C16orf89: variants seen among roughly 807,000 people sequenced by gnomAD.
C16orf89 encodes the protein chromosome 16 open reading frame 89, also known as UPF0764 protein C16orf89.
In C16orf89, 57 loss-of-function variants were observed where a neutral mutation model predicts 41.5. That is an observed-to-expected ratio of 1.38 (90% confidence interval 1.11 to 1.71). C16orf89 has a LOEUF of 1.71. Among genes scored for constraint, C16orf89 ranks in the 40% most tolerant of loss-of-function variants. C16orf89 has a pLI of 0.00. For synonymous variants in C16orf89, 223 were observed against 190.6 expected (o/e 1.17, Z -1.40); for missense variants, 575 against 445.9 (o/e 1.29, Z -2.61).
chr16:5,064,709 T>C (rs1464781921), intron 1 of C16orf89, among the ~76,000 whole-genome samples: 1 of 152,106 alleles, frequency 6.6e-6, no homozygotes, highest in Non-Finnish European at 1.5e-5. Context: ...AGCAAGATTA[T>C]TGAGAGGAGA....
At chr16:5,055,146 C>T (rs1240958196) in intron 6 of C16orf89, 100 bp downstream of exon 6, 1 of 1,038,514 alleles carries the variant, frequency 9.6e-7, no homozygotes, top group Non-Finnish European at 1.4e-6. Flanking sequence ...CCCTTGGCAA[C>T]CTTAACACCA....
intron 5 of C16orf89, chr16:5,055,697 T>G: frequency 6.5e-7 from 1 of 1,535,748 alleles, no homozygotes. Context: ...CTGGTCCATC[T>G]GTGTAGAGCT....
At chr16:5,063,234 C>G (rs1181393138) in intron 1 of C16orf89, among the ~76,000 whole-genome samples, 1 of 152,136 alleles carries the variant, frequency 6.6e-6, no homozygotes, top group Non-Finnish European at 1.5e-5. Context: ...AGGTAGGAAC[C>G]TTGTTAGGGA....
At chr16:5,050,471 T>C (rs563750488) in intron 6 of C16orf89, among the ~76,000 whole-genome samples, 1 of 152,188 alleles carries the variant, frequency 6.6e-6, no homozygotes, top group Admixed American at 6.5e-5. Flanking sequence ...AGACCAATTA[T>C]GAGTAATGAG....
At chr16:5,045,581 A>G (rs537749807) in intron 7 of C16orf89, among the ~76,000 whole-genome samples, 2 of 152,292 alleles carry the variant, frequency 1.3e-5, no homozygotes, top group South Asian at 4.2e-4. Flanking sequence ...AAGGTGCCGA[A>G]TGACTAACCC....
chr16:5,055,474 C>G, intron 5 of C16orf89, 124 bp from the exon 6 acceptor site: 11 of 1,032,644 alleles, frequency 1.1e-5, no homozygotes, highest in Non-Finnish European at 1.6e-5. Context: ...GGTGGGCGTT[C>G]AATGCAGAGG....
chr16:5,043,252 G>C (rs116370377), downstream of C16orf89: 3 of 153,740 alleles, frequency 2.0e-5, no homozygotes, highest in African/African-American at 7.2e-5. Context: ...GAGGTGTCTC[G>C]TTATGTTGCC....
chr16:5,057,268 A>ATATATATATGTATATATATATGTG (rs1956528254), intron 4 of C16orf89, among the ~76,000 whole-genome samples: 1 of 138,710 alleles, frequency 7.2e-6, no homozygotes, highest in South Asian at 2.2e-4. Context: ...AGAAATATAC[A>ATATATATATGTATATATATATGTG]TATATATATG....
intron 5 of C16orf89, chr16:5,055,591 A>T: frequency 1.6e-6 from 2 of 1,278,922 alleles, no homozygotes; most frequent in Non-Finnish European, 2.1e-6. Flanking sequence ...AGTCAGGATC[A>T]GTGGAGGAGT....
chr16:5,053,968 A>G (rs1956442964), intron 6 of C16orf89, among the ~76,000 whole-genome samples: 1 of 152,252 alleles, frequency 6.6e-6, no homozygotes, highest in African/African-American at 2.4e-5. Context: ...TGTACCCTAT[A>G]AATATGTACA....
intron 5 of C16orf89, 112 bp from the exon 6 acceptor site, chr16:5,055,462 G>A (rs1196296735): frequency 1.8e-6 from 2 of 1,097,648 alleles, no homozygotes; most frequent in Non-Finnish European, 2.6e-6. Flanking sequence ...TTAGGCTTAG[G>A]AGGTGGGCGT....
chr16:5,058,565 G>C lies in C16orf89; in HGVS notation c.555C>G (p.Ser185Arg), dbSNP rs938017479. ...CTGAGCAGCCGGGCTTGGTCATGAG[G>C]CTCCTGCAGAGGTCTGAGAGGCCGC... ...EPCGLSDLCRSLMTKPGCSGY... is the reference protein window; with the variant it reads ...EPCGLSDLCRRLMTKPGCSGY... Residue 185 changes from serine to arginine, a missense_variant, in exon 4 of 8, where the codon AGC becomes AGG. Ser to Arg is a moderately radical substitution (Grantham distance 110). Coordinates refer to ENST00000472572, the MANE Select transcript of C16orf89 (RefSeq NM_001098514.3). 3 of 1,612,794 alleles carry C rather than the reference G, an allele frequency of 1.9e-6. No homozygotes were observed. In the African/African-American group the frequency reaches 4.0e-5, roughly 21 times the overall value.
At chr16:5,058,101 A>C (rs1437428125) in intron 4 of C16orf89, among the ~76,000 whole-genome samples, 2 of 151,876 alleles carry the variant, frequency 1.3e-5, no homozygotes. Context: ...ACAGAACTAC[A>C]CTGCCATGAG....
At position 5,065,715 on chromosome 16, in the gene C16orf89, AC is replaced by A. The variant is rs1197939911; in HGVS notation, c.193del (p.Val65SerfsTer8). 6.2e-7 allele frequency: 1 copy of A among 1,613,146 alleles called. No homozygotes were observed. Among genetic ancestry groups the A allele is most frequent in the African/African-American group, 1.3e-5 (1 of 74,820 alleles). ...PEINLDGMVG[V>X]RVLEEQLKSV... is the part of the protein sequence containing the mutation. The stretch of plus-strand genomic sequence containing the variant: ...GGCTCACTCACCTTCCAGCACTCGG[AC>A]CCCCACCATGCCATCCAGGTTGATT... On this transcript the variant is annotated frameshift_variant, in exon 1 of 8. Transcript: ENST00000472572. LOFTEE classifies it high-confidence loss of function.
rs779500882 is a variant in C16orf89, at chr16:5,047,887, G to T, written c.946C>A (p.Gln316Lys). Reference sequence around the variant, plus strand: ...TGGGTATTTTCATTACCTGGAAATTGTTTTTCTCGCCTCTTCACTCTCCTC... The same window carrying T: ...TGGGTATTTTCATTACCTGGAAATTTTTTTTCTCGCCTCTTCACTCTCCTC... ...FSRRVKRREK[Q>K]FPDGCSSHNT... The change falls in exon 7 of 8, where the codon CAA becomes AAA. Residue 316 changes from glutamine to lysine, a missense_variant. Coordinates refer to ENST00000472572, the MANE Select transcript of C16orf89 (RefSeq NM_001098514.3). The T allele has an allele frequency of 5.7e-6, 9 of 1,574,404 alleles. No homozygotes were observed. Among genetic ancestry groups the T allele is most frequent in the Non-Finnish European group, 7.9e-6 (9 of 1,144,986 alleles).
At chr16:5,050,255 C>G (rs904904959) in intron 6 of C16orf89, among the ~76,000 whole-genome samples, 1 of 152,030 alleles carries the variant, frequency 6.6e-6, no homozygotes, top group Non-Finnish European at 1.5e-5. Context: ...GTAATTCCAG[C>G]TACTTGGGAG....
At chr16:5,049,344 A>T (rs1956357268) in intron 6 of C16orf89, among the ~76,000 whole-genome samples, 1 of 152,230 alleles carries the variant, frequency 6.6e-6, no homozygotes, top group South Asian at 2.1e-4. Context: ...TGCACTTAAG[A>T]CCAAATGAAT....
rs537472512 is a variant in C16orf89 at position 5,055,306 on chromosome 16, G to T, written c.808C>A (p.Arg270=). 6.2e-7 allele frequency: 1 copy of T among 1,613,406 alleles called. No individual in the cohort carries two copies. ...CAGCTGAGAATGGCCTCCAGCCACC[G>T]GAGCTTGTAGAAGTCGGAGAAGCCG... The part of the protein sequence containing the change: ...MGGFSDFYKL[R]WLEAILSWQK... Residue 270 remains arginine (R), a synonymous_variant, in exon 6 of 8, where the codon CGG becomes AGG. Coordinates refer to ENST00000472572, the MANE Select transcript of C16orf89 (RefSeq NM_001098514.3).
At position 5,044,481 on chromosome 16, in the gene C16orf89, A is replaced by AC; in HGVS notation, c.956-4_956-3insG. 1 of 1,612,344 alleles carries AC rather than the reference A, an allele frequency of 6.2e-7. No individual in the cohort carries two copies. Among genetic ancestry groups the AC allele is most frequent in the Non-Finnish European group, 8.5e-7 (1 of 1,179,362 alleles). On this transcript the variant is annotated splice_region_variant and splice_polypyrimidine_tract_variant and intron_variant, in intron 7 of 7. Transcript: ENST00000472572. Reference sequence around the variant, plus strand: ...TGTGTTGTGGGAGGAGCAGCCATCTAGGGGAGAGAGCCCCCATGAGTGCTG... The same window carrying AC: ...TGTGTTGTGGGAGGAGCAGCCATCTACGGGGAGAGAGCCCCCATGAGTGCTG...
Sources: gnomAD v4.1 joint callset for allele counts (sites outside exome capture counted in the v4.1 genomes callset) on GRCh38, gnomAD v4.1.1 for gene constraint, MANE v1.5 for transcripts, NCBI Gene and HGNC (gene_info 2026-07-23, HGNC 2026-07-21) for gene names.